The following EPS8 variants were observed in gnomAD, a reference collection of about 807,000 sequenced individuals.
EPS8 encodes the protein epidermal growth factor receptor kinase substrate 8.
Under a neutral mutation model 103.8 loss-of-function variants are expected in EPS8, and 42 were observed. The ratio of observed to expected loss-of-function variants is 0.40; its 90% CI spans 0.32 to 0.52. EPS8 has a LOEUF of 0.52. Ranked by LOEUF, EPS8 falls within the 20% of genes least tolerant of loss-of-function variation. The pLI is 0.40. For synonymous variants in EPS8, 344 were observed against 344.6 expected, an observed-to-expected ratio of 1.00 and a Z score of 0.02; for missense variants, 969 against 1,005.1, an observed-to-expected ratio of 0.96 and a Z score of 0.49.
At position 15,778,928 on chromosome 12, in the gene EPS8, C is replaced by T. The variant is rs78835732; in HGVS notation, c.-22+10233G>A. ...ATTAATTTCAAGAAATCCAAGTCCC[C>T]AAAAAAGAAGGCAAACCAAGATTTT... On this transcript the variant is annotated intron_variant, in intron 1 of 20. Transcript: ENST00000281172. This position sits in a 1 kb window ranked among gnomAD's most constrained non-coding sequence, Gnocchi z 4.5. Among the ~76,000 whole-genome samples, 2,219 of 152,104 alleles carry T rather than the reference C, an allele frequency of 0.015. 60 individuals carry two copies. Among genetic ancestry groups the T allele is most frequent in the African/African-American group, 0.051 (2,105 of 41,480 alleles).
intron 1 of EPS8, among the ~76,000 whole-genome samples, chr12:15,782,617 T>C (rs992676534): frequency 6.6e-6 from 1 of 152,144 alleles, no homozygotes; most frequent in African/African-American, 2.4e-5. Context: ...TGTATATAAA[T>C]ACTAGTCTAC....
In EPS8 at chr12:15,788,521, G is replaced by A. The variant is rs115665579; in HGVS notation, c.-22+640C>T. 3.1e-3 allele frequency among the ~76,000 whole-genome samples: 465 copies of A among 152,292 alleles called. 2 individuals are homozygous for A. The highest frequency in any genetic ancestry group is 0.01 in the Middle Eastern group (3 of 294). On this transcript the variant is annotated intron_variant, in intron 1 of 20. Transcript: ENST00000281172. ...ACATCGGAGAGGGCAGGGAGTACAT[G>A]GGTGGGGAAACCCCTTTCAAATGCA...
Position 15,654,184 on chromosome 12 carries a change from T to A in EPS8, c.1211A>T (p.Gln404Leu). The change falls in exon 13 of 21, where the codon CAG becomes CTG. Residue 404 changes from glutamine (Q) to leucine (L), a missense_variant. Gln to Leu is a moderately radical substitution (Grantham distance 113). Transcript: ENST00000281172. ...AGTTCCTCCCAATGACATCCACAGC[T>A]GCCGTTCATCACCATTGACAGTATA... ...LNYTVNGDER[Q>L]LWMSLGGTWM... 6.2e-7 allele frequency: 1 copy of A among 1,613,930 alleles called. No homozygotes were observed. The highest frequency in any genetic ancestry group is 8.5e-7 in the Non-Finnish European group (1 of 1,179,834).
intron 4 of EPS8, among the ~76,000 whole-genome samples, chr12:15,670,318 C>G (rs1405016929): frequency 1.3e-5 from 2 of 152,142 alleles, no homozygotes; most frequent in African/African-American, 2.4e-5. Context: ...TGAAACAAAA[C>G]TGTTTAAATT....
chr12:15,647,669 G>GA (rs1200177009), intron 14 of EPS8, among the ~76,000 whole-genome samples: 1 of 152,166 alleles, frequency 6.6e-6, no homozygotes, highest in Non-Finnish European at 1.5e-5. Flanking sequence ...GGGAAACACA[G>GA]AAAGGCACAA....
chr12:15,708,674 G>C (rs1591881614), intron 1 of EPS8, among the ~76,000 whole-genome samples: 1 of 152,250 alleles, frequency 6.6e-6, no homozygotes, highest in East Asian at 1.9e-4. Flanking sequence ...AGTGAAATTT[G>C]CATTATGCTC....
intron 1 of EPS8, among the ~76,000 whole-genome samples, chr12:15,746,171 G>C (rs1946873344): frequency 6.6e-6 from 1 of 152,086 alleles, no homozygotes; most frequent in South Asian, 2.1e-4. Context: ...GGAGTCAGGG[G>C]GAGACTTCCT....
intron 1 of EPS8, among the ~76,000 whole-genome samples, chr12:15,783,715 TAAAAAAAA>T (rs34686335): frequency 2.1e-5 from 2 of 95,370 alleles, no homozygotes; most frequent in African/African-American, 6.9e-5. Flanking sequence ...TCTGAGTTAG[TAAAAAAAA>T]AAAAAAAAAA....
At chr12:15,703,644 CTT>C (rs996474766) in intron 1 of EPS8, among the ~76,000 whole-genome samples, 22 of 151,028 alleles carry the variant, frequency 1.5e-4, no homozygotes, top group African/African-American at 3.9e-4. Flanking sequence ...GGAATTTGGA[CTT>C]AATCTTTTAG....
At position 15,778,406 on chromosome 12, in the gene EPS8, G is replaced by A. The variant is rs1008411198; in HGVS notation, c.-22+10755C>T. 1.7e-4 allele frequency among the ~76,000 whole-genome samples: 26 copies of A among 152,042 alleles called. No individual in the cohort carries two copies. The highest frequency in any genetic ancestry group is 6.3e-4 in the African/African-American group (26 of 41,384). ...ATTAAATTATTCAGAATCTAACAAG[G>A]CCCCACAAAGGAGCTAAATAAAAGA... On this transcript the variant is annotated intron_variant, in intron 1 of 20. Coordinates refer to ENST00000281172, the MANE Select transcript of EPS8 (RefSeq NM_004447.6). The surrounding 1 kb of genome is among the most constrained non-coding windows in gnomAD (Gnocchi z 4.5).
intron 1 of EPS8, among the ~76,000 whole-genome samples, chr12:15,758,638 G>A (rs906867721): frequency 5.9e-5 from 9 of 152,132 alleles, no homozygotes; most frequent in African/African-American, 2.2e-4. Context: ...GCAACACATT[G>A]GCCTTGATTA....
chr12:15,786,916 C>T (rs935096619), intron 1 of EPS8, among the ~76,000 whole-genome samples: 3 of 151,990 alleles, frequency 2.0e-5, no homozygotes, highest in Admixed American at 6.6e-5. Flanking sequence ...CTTTTTCCCC[C>T]GACATACCTC....
At chr12:15,630,168 C>T (rs1353181374) in intron 18 of EPS8, among the ~76,000 whole-genome samples, 2 of 147,780 alleles carry the variant, frequency 1.4e-5, no homozygotes, top group African/African-American at 2.5e-5. Flanking sequence ...GATAGATATC[C>T]ATCTCTCTCT....
In EPS8 at chr12:15,751,663, C is replaced by T. The variant is rs945954697; in HGVS notation, c.-22+37498G>A. 6.6e-6 allele frequency among the ~76,000 whole-genome samples: 1 copy of T among 152,050 alleles called. No homozygotes were observed. Among genetic ancestry groups the T allele is most frequent in the African/African-American group, 2.4e-5 (1 of 41,354 alleles). On this transcript the variant is annotated intron_variant, in intron 1 of 20. Transcript: ENST00000281172. This position sits in a 1 kb window ranked among gnomAD's most constrained non-coding sequence, Gnocchi z 4.3. ...TTTTTTGCCTTTACAAAGGTCACAA[C>T]CTAGTGAATGAAAGAATATACCCGT...
chr12:15,685,247 TG>T (rs1459497173), intron 1 of EPS8, among the ~76,000 whole-genome samples: 1 of 152,212 alleles, frequency 6.6e-6, no homozygotes, highest in African/African-American at 2.4e-5. Context: ...ATTAAGCCTC[TG>T]GCCTCTGTCT....
At chr12:15,730,831 T>C (rs994758138) in intron 1 of EPS8, among the ~76,000 whole-genome samples, 1 of 152,114 alleles carries the variant, frequency 6.6e-6, no homozygotes, top group Non-Finnish European at 1.5e-5. Context: ...AATTATAATA[T>C]AGCCCTTCTT....
chr12:15,712,660 G>A (rs187761699), intron 1 of EPS8, among the ~76,000 whole-genome samples: 2 of 152,230 alleles, frequency 1.3e-5, no homozygotes, highest in Admixed American at 1.3e-4. Context: ...TGAGGAGACT[G>A]GGTTACCACT....
intron 3 of EPS8, among the ~76,000 whole-genome samples, chr12:15,680,123 A>G (rs1421923016): frequency 2.0e-5 from 3 of 152,216 alleles, no homozygotes; most frequent in Non-Finnish European, 4.4e-5. Flanking sequence ...TAATAAGGCT[A>G]TAAAAAGTAT....
chr12:15,658,104 T>C lies in EPS8; in HGVS notation c.1076A>G (p.His359Arg). The C allele has an allele frequency of 6.2e-7, 1 of 1,609,388 alleles. No homozygotes were observed. The highest frequency in any genetic ancestry group is 8.5e-7 in the Non-Finnish European group (1 of 1,176,548). ...IQNPSAADLV[H>R]FLFTPLNMVV... is the part of the protein sequence containing the mutation. ...CATATTTAATGGAGTAAACAAAAAG[T>C]GAACCAAATCTGCAGCACTAGGATT... The change falls in exon 12 of 21, where the codon CAC (histidine) becomes CGC (arginine). Residue 359 changes from histidine to arginine, a missense_variant. By Grantham distance (29) the His-to-Arg change is conservative (BLOSUM62 0). Transcript: ENST00000281172.
Sources: allele counts gnomAD v4.1 joint callset (sites outside exome capture counted in the v4.1 genomes callset), GRCh38; gene constraint gnomAD v4.1.1; non-coding constraint Gnocchi (gnomAD v3.1); transcripts MANE v1.5; gene names NCBI Gene and HGNC (gene_info 2026-07-23, HGNC 2026-07-21).